The following ATOH8 variants were observed in gnomAD, a reference collection of about 807,000 sequenced individuals.
The protein encoded by ATOH8 is atonal bHLH transcription factor 8, also known as transcription factor ATOH8.
A neutral mutation model predicts 21.2 loss-of-function variants in ATOH8; 9 were observed. That is an observed-to-expected ratio of 0.42 (90% CI 0.26 to 0.74). The LOEUF is 0.74. Among genes scored for constraint, ATOH8 ranks in the 30% least tolerant of loss-of-function variants. The pLI, the probability that ATOH8 is intolerant of heterozygous loss-of-function variation, is 0.24. For missense variants in ATOH8, 524 were observed against 470.9 expected (o/e 1.11, Z -1.04); for synonymous variants, 253 against 224.0 (o/e 1.13, Z -1.16).
chr2:85,763,876 G>A (rs1469536934), intron 1 of ATOH8, 115 bp from the exon 2 acceptor site: 2 of 821,006 alleles, frequency 2.4e-6, no homozygotes, highest in Admixed American at 2.3e-5. Context: ...GGTGCGTAGA[G>A]CAGATCATAA....
intron 2 of ATOH8, among the ~76,000 whole-genome samples, chr2:85,782,679 TTTG>T (rs141808495): frequency 0.16 from 24,362 of 151,790 alleles, 2,942 homozygotes; most frequent in African/African-American, 0.34. Flanking sequence ...CCAGTATTTA[TTTG>T]TTGTTGTTGT....
Position 85,754,478 on chromosome 2 carries a change from G to C in ATOH8, c.289G>C (p.Gly97Arg), listed in dbSNP as rs1679608108. ...GGGCACGGACACAGCCGGGGAGCGC[G>C]GGGGCTCTCGGGCGCCCGAGGTCTC... ...RGGTDTAGER[G>R]GSRAPEVSDA... Residue 97 changes from glycine (G) to arginine (R), a missense_variant, in exon 1 of 3, where the codon GGG becomes CGG. Gly to Arg is a moderately radical substitution (Grantham distance 125). Coordinates refer to ENST00000306279, the MANE Select transcript of ATOH8 (RefSeq NM_032827.7). The C allele has an allele frequency of 3.5e-6, 5 of 1,447,478 alleles. No homozygotes were observed. Among genetic ancestry groups the C allele is most frequent in the Non-Finnish European group, 4.5e-6 (5 of 1,109,698 alleles). 89.7% of individuals were successfully genotyped at this position (1,447,478 alleles called of 1,614,324 possible).
chr2:85,775,748 C>G (rs887976946), intron 2 of ATOH8, among the ~76,000 whole-genome samples: 1 of 152,172 alleles, frequency 6.6e-6, no homozygotes, highest in Non-Finnish European at 1.5e-5. Flanking sequence ...ATGCTCCCCT[C>G]GAACCCGAGA....
chr2:85,776,405 G>A (rs963987571), intron 2 of ATOH8, among the ~76,000 whole-genome samples: 21 of 152,230 alleles, frequency 1.4e-4, no homozygotes, highest in Admixed American at 4.6e-4. Context: ...GGTGAGGAGC[G>A]TTTGAGGAAA....
At chr2:85,780,760 C>T (rs1236469136) in intron 2 of ATOH8, among the ~76,000 whole-genome samples, 2 of 152,222 alleles carry the variant, frequency 1.3e-5, no homozygotes, top group Non-Finnish European at 2.9e-5. Context: ...AAGGCTCTGG[C>T]CATAACTGAA....
chr2:85,779,607 C>T (rs1042098474), intron 2 of ATOH8, among the ~76,000 whole-genome samples: 11 of 152,188 alleles, frequency 7.2e-5, no homozygotes, highest in Admixed American at 5.9e-4. Context: ...TGACAGCTGG[C>T]TGGATGGCTT....
chr2:85,769,870 G>C lies in ATOH8; in HGVS notation c.960+5688G>C, dbSNP rs189211937. Among the ~76,000 whole-genome samples the C allele has an allele frequency of 1.7e-4, 26 of 152,286 alleles. No individual in the cohort carries two copies. The East Asian group carries it at 4.8e-3, about 28-fold the overall frequency. ...CACCAAGGGGCACTGTCCCAGCTTT[G>C]TTCCTACCTCCCATGTACATTGTCA... is the stretch of plus-strand genomic sequence containing the variant. On this transcript the variant is annotated intron_variant, in intron 2 of 2. Transcript: ENST00000306279.
intron 1 of ATOH8, chr2:85,760,662 A>G (rs1246100736): frequency 6.6e-6 from 1 of 152,256 alleles, no homozygotes; most frequent in Non-Finnish European, 1.5e-5. Flanking sequence ...GCCACTTAAA[A>G]GATGAATACA....
At chr2:85,784,838 T>G (rs1680582975) in intron 2 of ATOH8, among the ~76,000 whole-genome samples, 3 of 152,230 alleles carry the variant, frequency 2.0e-5, no homozygotes, top group Admixed American at 6.5e-5. Flanking sequence ...GAGAAAGTCC[T>G]GGCACCTGAG....
At chr2:85,770,423 G>A (rs1397222793) in intron 2 of ATOH8, among the ~76,000 whole-genome samples, 3 of 152,194 alleles carry the variant, frequency 2.0e-5, no homozygotes, top group African/African-American at 7.2e-5. Flanking sequence ...AGCCCAAGGA[G>A]GCCATCTATG....
At chr2:85,786,187 G>A (rs1010727829) in intron 2 of ATOH8, among the ~76,000 whole-genome samples, 1 of 152,168 alleles carries the variant, frequency 6.6e-6, no homozygotes, top group Admixed American at 6.5e-5. Flanking sequence ...CATGTCCCAG[G>A]CTCTCTGTTG....
intron 2 of ATOH8, chr2:85,780,821 C>T (rs1262727902): frequency 1.0e-6 from 1 of 958,602 alleles, no homozygotes; most frequent in Non-Finnish European, 1.2e-6. Context: ...GGACACAGCA[C>T]TATCCTCGAT....
intron 2 of ATOH8, chr2:85,773,301 C>T (rs372427719): frequency 6.2e-6 from 1 of 162,436 alleles, no homozygotes; most frequent in Non-Finnish European, 1.3e-5. Context: ...TGGCTGCTGC[C>T]GCCAAAGCCT....
At chr2:85,781,742 G>A (rs997985678) in intron 2 of ATOH8, among the ~76,000 whole-genome samples, 46 of 152,066 alleles carry the variant, frequency 3.0e-4, no homozygotes, top group African/African-American at 1.1e-3. Context: ...GCCAGGTGTG[G>A]TGGCATGAGC....
rs1217110183 is a variant in ATOH8 at position 85,754,444 on chromosome 2, C to T, written c.255C>T (p.Pro85=). The T allele has an allele frequency of 5.9e-6, 9 of 1,516,034 alleles. No homozygotes were observed. Among genetic ancestry groups the T allele is most frequent in the Non-Finnish European group, 7.9e-6 (9 of 1,139,816 alleles). The allele number at this position is 1,516,034 out of a possible 1,614,324, so 93.9% of individuals were successfully genotyped here. Residue 85 remains proline (P), a synonymous_variant, in exon 1 of 3, where the codon CCC becomes CCT. Coordinates refer to ENST00000306279, the MANE Select transcript of ATOH8 (RefSeq NM_032827.7). ...PVPVPVAPAV[P]PRGGTDTAGE... is the part of the protein sequence containing the mutation. ...CAGTCCCAGTGGCGCCGGCCGTTCC[C>T]CCAAGAGGGGGCACGGACACAGCCG...
intron 1 of ATOH8, among the ~76,000 whole-genome samples, chr2:85,759,600 C>G (rs1679807482): frequency 6.6e-6 from 1 of 152,002 alleles, no homozygotes; most frequent in Admixed American, 6.6e-5. Flanking sequence ...GTGCAGGAGG[C>G]TGGGATTTTA....
intron 2 of ATOH8, among the ~76,000 whole-genome samples, chr2:85,776,421 G>A (rs1227013747): frequency 1.3e-5 from 2 of 152,242 alleles, no homozygotes; most frequent in African/African-American, 4.8e-5. Flanking sequence ...GGAAATGAGG[G>A]CTGTGAAAGC....
intron 2 of ATOH8, among the ~76,000 whole-genome samples, chr2:85,772,404 G>A (rs1230958500): frequency 2.0e-5 from 3 of 151,902 alleles, no homozygotes; most frequent in South Asian, 2.1e-4. Flanking sequence ...CCGCCCGGCC[G>A]CCGCGGCCCC....
At chr2:85,775,205 C>G in intron 2 of ATOH8, 1 of 984,420 alleles carries the variant, frequency 1.0e-6, no homozygotes, top group African/African-American at 1.7e-5. Flanking sequence ...GCCTGTGTCT[C>G]TGGCTAGACT....
Sources: gnomAD v4.1 joint callset for allele counts (sites outside exome capture counted in the v4.1 genomes callset) on GRCh38, gnomAD v4.1.1 for gene constraint, MANE v1.5 for transcripts, NCBI Gene and HGNC (gene_info 2026-07-23, HGNC 2026-07-21) for gene names.